TGS1: variants seen among roughly 807,000 people sequenced by gnomAD.
TGS1 encodes the protein trimethylguanosine synthase.
In TGS1, 69 loss-of-function variants were observed where a neutral mutation model predicts 92.2. The ratio of observed to expected loss-of-function variants is 0.75; its 90% confidence interval spans 0.62 to 0.91. The LOEUF is 0.91. Ranked by LOEUF, TGS1 falls within the 40% of genes least tolerant of loss-of-function variation. The probability of loss-of-function intolerance (pLI) is 0.00; values close to 1 mark genes in which losing one functional copy is unlikely to be tolerated. For missense variants in TGS1, 1,062 were observed against 1,001.2 expected (o/e 1.06, Z -0.82); for synonymous variants, 345 against 338.1 (o/e 1.02, Z -0.22).
chr8:55,812,618 AG>A (rs1413575413), intron 11 of TGS1, among the ~76,000 whole-genome samples: 2 of 152,128 alleles, frequency 1.3e-5, no homozygotes, highest in Non-Finnish European at 2.9e-5. Flanking sequence ...ACCCAGGAGG[AG>A]GTTGCAGTGA....
At position 55,798,911 on chromosome 8, in the gene TGS1, A is replaced by G. The variant is rs1379262320; in HGVS notation, c.1543-3A>G. Reference sequence around the variant, plus strand: ...TGCTCATGATGTCATCTTAAAATTTAAGGTAGAAAAATTCCTCACATGGGT... The same window carrying G: ...TGCTCATGATGTCATCTTAAAATTTGAGGTAGAAAAATTCCTCACATGGGT... On this transcript the variant is annotated splice_polypyrimidine_tract_variant and splice_region_variant and intron_variant, in intron 7 of 12. Coordinates refer to ENST00000260129, the MANE Select transcript of TGS1 (RefSeq NM_024831.8). The G allele has an allele frequency of 6.3e-7, 1 of 1,590,116 alleles. No homozygotes were observed. Among genetic ancestry groups the G allele is most frequent in the Middle Eastern group, 1.7e-4 (1 of 5,926 alleles).
At chr8:55,793,428 G>A (rs1033082780) in intron 6 of TGS1, among the ~76,000 whole-genome samples, 5 of 152,030 alleles carry the variant, frequency 3.3e-5, no homozygotes, top group African/African-American at 9.7e-5. Context: ...GGAGGTTGAG[G>A]GTGCTGTGAT....
chr8:55,819,922 G>A (rs1803586543), intron 12 of TGS1, among the ~76,000 whole-genome samples: 1 of 152,188 alleles, frequency 6.6e-6, no homozygotes, highest in African/African-American at 2.4e-5. Flanking sequence ...TGGCCTGTGT[G>A]ACATTAGGTT....
At chr8:55,790,642 G>A (rs772414804) in intron 5 of TGS1, among the ~76,000 whole-genome samples, 18 of 151,900 alleles carry the variant, frequency 1.2e-4, no homozygotes, top group African/African-American at 2.7e-4. Context: ...CTTCTGCCTT[G>A]AGTAGCTGGG....
Position 55,824,680 on chromosome 8 carries a change from C to T in TGS1, c.2539C>T (p.Arg847Ter), listed in dbSNP as rs756567760. 72 of 1,614,002 alleles carry T rather than the reference C, an allele frequency of 4.5e-5. No individual in the cohort carries two copies. Among genetic ancestry groups the T allele is most frequent in the East Asian group, 6.7e-5 (3 of 44,894 alleles). ...TITAYFGDLI[R>*]RPASET ...CACTGCATATTTTGGTGACCTAATTCGAAGACCAGCCTCTGAAACCTAACT... is the reference window on the plus strand; with the variant it reads ...CACTGCATATTTTGGTGACCTAATTTGAAGACCAGCCTCTGAAACCTAACT... Residue 847 changes from arginine (R) to a stop codon, truncating the protein, a stop_gained, in exon 13 of 13, where the codon CGA (arginine) becomes TGA (stop). Coordinates refer to ENST00000260129, the MANE Select transcript of TGS1 (RefSeq NM_024831.8). LOFTEE classifies it high-confidence loss of function.
intron 8 of TGS1, among the ~76,000 whole-genome samples, chr8:55,799,523 G>T (rs1371863811): frequency 1.3e-5 from 2 of 152,148 alleles, no homozygotes; most frequent in South Asian, 2.1e-4. Context: ...TCAGTTCCAT[G>T]GGCTAAAGGT....
chr8:55,792,774 T>C lies in TGS1; in HGVS notation c.1357T>C (p.Ser453Pro). 3 of 1,612,532 alleles carry C rather than the reference T, an allele frequency of 1.9e-6. No homozygotes were observed. The highest frequency in any genetic ancestry group is 2.5e-6 in the Non-Finnish European group (3 of 1,178,612). The change falls in exon 6 of 13, where the codon TCA becomes CCA. Residue 453 changes from serine (S) to proline (P), a missense_variant. Transcript: ENST00000260129. ...TTCCCTTCTAGGATTCAAGTATGGCTCAGGACAAAAGTAATTATTCATAAA... is the reference window on the plus strand; with the variant it reads ...TTCCCTTCTAGGATTCAAGTATGGCCCAGGACAAAAGTAATTATTCATAAA... ...SGSLLGFKYG[S>P]GQKYGGIPNF... is the part of the protein sequence containing the mutation.
At chr8:55,787,986 A>T (rs909763833) in intron 4 of TGS1, among the ~76,000 whole-genome samples, 9 of 152,346 alleles carry the variant, frequency 5.9e-5, no homozygotes, top group Non-Finnish European at 1.2e-4. Context: ...TTCATGAAGG[A>T]TCTGCCCCAT....
chr8:55,802,343 T>TTA (rs1279918698), intron 8 of TGS1, 114 bp from the exon 9 acceptor site: 26 of 830,572 alleles, frequency 3.1e-5, no homozygotes, highest in Non-Finnish European at 4.8e-5. Context: ...GGGCGTGTCA[T>TTA]TATATACATG....
intron 4 of TGS1, 120 bp from the exon 5 acceptor site, chr8:55,790,062 T>A: frequency 1.5e-6 from 1 of 684,852 alleles, no homozygotes; most frequent in East Asian, 2.6e-5. Context: ...GCTGGCACTT[T>A]GATGCACATG....
At chr8:55,810,821 T>C (rs1456024533) in intron 10 of TGS1, 60 bp from the exon 11 acceptor site, 18 of 1,365,436 alleles carry the variant, frequency 1.3e-5, no homozygotes, top group Non-Finnish European at 1.9e-5. Flanking sequence ...AAAGACAAAC[T>C]ATCCTATATA....
intron 7 of TGS1, among the ~76,000 whole-genome samples, chr8:55,796,490 G>A (rs966387505): frequency 2.0e-5 from 3 of 151,922 alleles, no homozygotes. Context: ...GGGAGTACCA[G>A]ACAAACCTGA....
intron 4 of TGS1, among the ~76,000 whole-genome samples, chr8:55,789,286 T>G (rs1393656278): frequency 6.6e-6 from 1 of 152,214 alleles, no homozygotes; most frequent in African/African-American, 2.4e-5. Flanking sequence ...TGCCTCAGTT[T>G]TTGTCACCAT....
intron 2 of TGS1, among the ~76,000 whole-genome samples, chr8:55,783,609 T>C (rs772079224): frequency 6.6e-6 from 1 of 152,202 alleles, no homozygotes; most frequent in South Asian, 2.1e-4. Context: ...ATACTGTACA[T>C]TGAGCCTCAC....
Position 55,786,841 on chromosome 8 carries a change from A to C in TGS1, c.943A>C (p.Ser315Arg), listed in dbSNP as rs778543133. ...DSSGTSDKDH[S>R]EILDGISNIK... ...CTCTGGTACAAGTGATAAGGATCAT[A>C]GTGAAATACTTGATGGAATTAGTAA... The change falls in exon 4 of 13, where the codon AGT becomes CGT. Residue 315 changes from serine to arginine, a missense_variant. Coordinates refer to ENST00000260129, the MANE Select transcript of TGS1 (RefSeq NM_024831.8). 6.2e-7 allele frequency: 1 copy of C among 1,614,150 alleles called. No homozygotes were observed. The highest frequency in any genetic ancestry group is 8.5e-7 in the Non-Finnish European group (1 of 1,179,980).
intron 12 of TGS1, among the ~76,000 whole-genome samples, chr8:55,815,246 G>A (rs1452450705): frequency 6.6e-6 from 1 of 152,114 alleles, no homozygotes. Context: ...GGTGATTCAT[G>A]TTTTTTTGCC....
intron 8 of TGS1, among the ~76,000 whole-genome samples, chr8:55,800,942 AT>A (rs1812197982): frequency 6.6e-6 from 1 of 152,114 alleles, no homozygotes; most frequent in South Asian, 2.1e-4. Context: ...GTTGCTTCTA[AT>A]TTGCTGAAGA....
intron 8 of TGS1, among the ~76,000 whole-genome samples, chr8:55,799,676 C>G (rs1364995687): frequency 6.6e-6 from 1 of 152,190 alleles, no homozygotes; most frequent in Non-Finnish European, 1.5e-5. Flanking sequence ...CCCCAGGGTT[C>G]AAGCAGTCCT....
intron 12 of TGS1, 82 bp from the exon 13 acceptor site, chr8:55,824,499 T>A: frequency 6.4e-7 from 1 of 1,553,010 alleles, no homozygotes; most frequent in Non-Finnish European, 8.7e-7. Flanking sequence ...GTCTTCCTAT[T>A]ATTTGATAAA....
Sources: gnomAD v4.1 joint callset for allele counts (sites outside exome capture counted in the v4.1 genomes callset) on GRCh38, gnomAD v4.1.1 for gene constraint, MANE v1.5 for transcripts, NCBI Gene and HGNC (gene_info 2026-07-23, HGNC 2026-07-21) for gene names.